Variants in EYS observed in about 807,000 individuals in gnomAD.
EYS encodes the protein EGF-like photoreceptor maintenance factor, also known as protein eyes shut homolog.
EYS carries 250 observed loss-of-function variants against 282.1 expected under a neutral mutation model. The ratio of observed to expected loss-of-function variants is 0.89; its 90% CI spans 0.80 to 0.98. The LOEUF (loss-of-function observed/expected upper bound fraction) is 0.98. Among genes scored for constraint, EYS ranks in the 50% least tolerant of loss-of-function variants. The pLI, the probability that EYS is intolerant of heterozygous loss-of-function variation, is 0.00. For missense variants in EYS, 4,016 were observed against 3,709.0 expected (o/e 1.08, Z -2.15); for synonymous variants, 1,355 against 1,282.9 (o/e 1.06, Z -1.20).
chr6:65,245,740 T>C (rs1343064963), intron 12 of EYS, among the ~76,000 whole-genome samples: 1 of 152,114 alleles, frequency 6.6e-6, no homozygotes, highest in Non-Finnish European at 1.5e-5. Flanking sequence ...TAGATATTTA[T>C]AGCTTGTTTT....
At chr6:65,274,348 G>C (rs1338931645) in intron 12 of EYS, among the ~76,000 whole-genome samples, 1 of 152,194 alleles carries the variant, frequency 6.6e-6, no homozygotes, top group East Asian at 1.9e-4. Context: ...TTTGATCTGT[G>C]CAGAAGACAG....
At chr6:64,107,482 G>A (rs1773069110) in intron 31 of EYS, among the ~76,000 whole-genome samples, 1 of 151,400 alleles carries the variant, frequency 6.6e-6, no homozygotes, top group African/African-American at 2.4e-5. Flanking sequence ...TAGCTGGGAG[G>A]CTAGGCCAGT....
At chr6:65,180,843 T>C (rs1765361299) in intron 12 of EYS, among the ~76,000 whole-genome samples, 1 of 152,124 alleles carries the variant, frequency 6.6e-6, no homozygotes, top group Non-Finnish European at 1.5e-5. Flanking sequence ...AGCATGGTAC[T>C]GGTACCAAAA....
intron 26 of EYS, among the ~76,000 whole-genome samples, chr6:64,501,545 A>G (rs1252741760): frequency 1.3e-5 from 2 of 152,124 alleles, no homozygotes; most frequent in African/African-American, 2.4e-5. Context: ...TAAACTATTA[A>G]TCAGGGATAG....
intron 31 of EYS, among the ~76,000 whole-genome samples, chr6:64,176,827 A>G (rs1764651151): frequency 1.3e-5 from 2 of 152,108 alleles, no homozygotes; most frequent in African/African-American, 4.8e-5. Flanking sequence ...CTTCATATAT[A>G]AAGAAATTTA....
At chr6:64,096,568 C>T (rs1772623436) in intron 31 of EYS, among the ~76,000 whole-genome samples, 1 of 152,200 alleles carries the variant, frequency 6.6e-6, no homozygotes, top group South Asian at 2.1e-4. Context: ...GTGCATTCGT[C>T]ACGTAGTTCT....
At chr6:64,957,474 A>T (rs572456605) in intron 14 of EYS, among the ~76,000 whole-genome samples, 16 of 139,358 alleles carry the variant, frequency 1.1e-4, no homozygotes, top group African/African-American at 3.8e-4. Flanking sequence ...GTTAATGGAT[A>T]AAAAAAAAAA....
chr6:64,365,293 T>C (rs1328946590), intron 29 of EYS, among the ~76,000 whole-genome samples: 1 of 151,864 alleles, frequency 6.6e-6, no homozygotes, highest in African/African-American at 2.4e-5. Context: ...GCAGAAATAA[T>C]CAGAATTGGC....
intron 31 of EYS, among the ~76,000 whole-genome samples, chr6:64,156,969 G>A (rs1774944316): frequency 6.6e-6 from 1 of 151,348 alleles, no homozygotes; most frequent in African/African-American, 2.4e-5. Flanking sequence ...ATGTATACAT[G>A]TGCTATGCTG....
At chr6:64,472,315 C>T (rs1776143995) in intron 26 of EYS, among the ~76,000 whole-genome samples, 1 of 152,092 alleles carries the variant, frequency 6.6e-6, no homozygotes. Context: ...TCAGTTCTCC[C>T]AGTTATTTGA....
chr6:65,549,658 T>C (rs1768527299), intron 2 of EYS, among the ~76,000 whole-genome samples: 2 of 152,244 alleles, frequency 1.3e-5, no homozygotes, highest in African/African-American at 4.8e-5. Context: ...TTGAAATTCT[T>C]AAAACATTCA....
intron 12 of EYS, among the ~76,000 whole-genome samples, chr6:65,264,099 A>G (rs899955630): frequency 1.6e-4 from 24 of 151,776 alleles, no homozygotes; most frequent in African/African-American, 4.3e-4. Context: ...ATTATTTGGA[A>G]TGTTCTATTT....
chr6:65,324,705 C>CT (rs1769571540), intron 11 of EYS, among the ~76,000 whole-genome samples: 1 of 152,178 alleles, frequency 6.6e-6, no homozygotes, highest in African/African-American at 2.4e-5. Context: ...GTAACCTGGA[C>CT]TTTGGATCAG....
chr6:64,858,610 T>C (rs1045988035), intron 19 of EYS, among the ~76,000 whole-genome samples: 1 of 152,182 alleles, frequency 6.6e-6, no homozygotes, highest in African/African-American at 2.4e-5. Flanking sequence ...AAATTTAAGA[T>C]AATTTTTTTA....
intron 18 of EYS, among the ~76,000 whole-genome samples, chr6:64,895,884 T>C (rs1056404611): frequency 1.3e-5 from 2 of 151,998 alleles, no homozygotes; most frequent in African/African-American, 2.4e-5. Context: ...AAAGGAAATA[T>C]AGGGAAAAAA....
chr6:64,636,394 A>T (rs1330281824), intron 22 of EYS, among the ~76,000 whole-genome samples: 1 of 152,244 alleles, frequency 6.6e-6, no homozygotes, highest in Non-Finnish European at 1.5e-5. Context: ...CATATGTAGA[A>T]AGCTGAAACT....
intron 21 of EYS, among the ~76,000 whole-genome samples, chr6:64,816,812 C>A (rs775342445): frequency 3.0e-4 from 45 of 151,966 alleles, no homozygotes; most frequent in Non-Finnish European, 5.1e-4. Context: ...TGAACTCAAA[C>A]TTCTGTACCT....
intron 22 of EYS, among the ~76,000 whole-genome samples, chr6:64,652,250 A>T (rs1354518013): frequency 6.6e-6 from 1 of 152,190 alleles, no homozygotes; most frequent in Non-Finnish European, 1.5e-5. Context: ...GTTTTATGGC[A>T]ATAGAGAAAT....
chr6:65,408,876 A>C (rs1198128196), intron 5 of EYS, among the ~76,000 whole-genome samples: 2 of 152,164 alleles, frequency 1.3e-5, no homozygotes, highest in African/African-American at 2.4e-5. Flanking sequence ...TAAGCACAGT[A>C]TAAGCACTGT....
Sources: allele counts gnomAD v4.1 joint callset (sites outside exome capture counted in the v4.1 genomes callset), GRCh38; gene constraint gnomAD v4.1.1; transcripts MANE v1.5; gene names NCBI Gene and HGNC (gene_info 2026-07-23, HGNC 2026-07-21).